The following MYT1 variants were observed in gnomAD, a reference collection of about 807,000 sequenced individuals.
MYT1 encodes the protein myelin transcription factor I.
A neutral mutation model predicts 123.0 loss-of-function variants in MYT1; 23 were observed. That is an observed-to-expected ratio of 0.19 (90% CI 0.13 to 0.26). The LOEUF (loss-of-function observed/expected upper bound fraction) is 0.26, where lower values mean the gene tolerates loss of function less well. MYT1 is among the 10% of genes least tolerant of loss of function. The probability of loss-of-function intolerance (pLI) is 1.00; values close to 1 mark genes in which losing one functional copy is unlikely to be tolerated. For missense variants in MYT1, 1,125 were observed against 1,472.5 expected (o/e 0.76, Z 3.86); for synonymous variants, 518 against 575.3 (o/e 0.90, Z 1.43).
intron 1 of MYT1, among the ~76,000 whole-genome samples, chr20:64,188,622 T>C (rs1360262476): frequency 6.6e-6 from 1 of 152,200 alleles, no homozygotes; most frequent in Non-Finnish European, 1.5e-5. Context: ...TCTTCCAATA[T>C]GCTTTTCCTC....
At chr20:64,239,184 A>G (rs1984639703) in intron 21 of MYT1, among the ~76,000 whole-genome samples, 1 of 152,222 alleles carries the variant, frequency 6.6e-6, no homozygotes, top group Non-Finnish European at 1.5e-5. Flanking sequence ...ATGGTGGGGA[A>G]GTGAGAAGAC....
chr20:64,240,285 T>C, intron 22 of MYT1, 35 bp from the exon 23 acceptor site: 1 of 1,606,286 alleles, frequency 6.2e-7, no homozygotes, highest in Non-Finnish European at 8.5e-7. Flanking sequence ...GCCCACTGCA[T>C]GGACGGAGCT....
In MYT1 at chr20:64,213,245, T is replaced by A. The variant is rs1361301786; in HGVS notation, c.1518-289T>A. 6.6e-6 allele frequency among the ~76,000 whole-genome samples: 1 copy of A among 152,176 alleles called. No homozygotes were observed. The highest frequency in any genetic ancestry group is 1.5e-5 in the Non-Finnish European group (1 of 68,026). The stretch of plus-strand genomic sequence containing the variant: ...CAGAGGAGGCATCTTTGCCCAGAGC[T>A]TTCAAGGCCTTTAGGATATATTTCA... On this transcript the variant is annotated intron_variant, in intron 9 of 22. Coordinates refer to ENST00000328439, the MANE Select transcript of MYT1 (RefSeq NM_004535.3). This position sits in a 1 kb window ranked among gnomAD's most constrained non-coding sequence, Gnocchi z 5.6.
Position 64,223,182 on chromosome 20 carries a change from C to G in MYT1, c.2459+9C>G, listed in dbSNP as rs541358126. On this transcript the variant is annotated intron_variant, in intron 15 of 22. Coordinates refer to ENST00000328439, the MANE Select transcript of MYT1 (RefSeq NM_004535.3). ...TACGCCTCCCACCGCAGGTTTGTCT[C>G]CTGCTCGGGTCCGTCTGGCCTGGGT... 7 of 1,614,214 alleles carry G rather than the reference C, an allele frequency of 4.3e-6. No individual in the cohort carries two copies. In the East Asian group the frequency reaches 1.3e-4, roughly 31 times the overall value.
At position 64,192,639 on chromosome 20, in the gene MYT1, G is replaced by T. The variant is rs1303311753; in HGVS notation, c.-1+2479G>T. Among the ~76,000 whole-genome samples, 1 of 152,230 alleles carries T rather than the reference G, an allele frequency of 6.6e-6. No individual in the cohort carries two copies. Among genetic ancestry groups the T allele is most frequent in the Non-Finnish European group, 1.5e-5 (1 of 68,030 alleles). ...GGGCTGCCAGAAGTCAGGTGGTCGT[G>T]TGTCGGGGTATGCAGGAGCTGATGG... On this transcript the variant is annotated intron_variant, in intron 2 of 22. Coordinates refer to ENST00000328439, the MANE Select transcript of MYT1 (RefSeq NM_004535.3). The surrounding 1 kb of genome is among the most constrained non-coding windows in gnomAD (Gnocchi z 5.3).
intron 13 of MYT1, among the ~76,000 whole-genome samples, chr20:64,221,291 C>T (rs1167025103): frequency 1.3e-5 from 2 of 152,162 alleles, no homozygotes; most frequent in African/African-American, 4.8e-5. Flanking sequence ...ACCCCTGGCC[C>T]CTCCGTGGGA....
chr20:64,165,691 C>G (rs549203786), intron 1 of MYT1, among the ~76,000 whole-genome samples: 1 of 152,164 alleles, frequency 6.6e-6, no homozygotes, highest in East Asian at 1.9e-4. Flanking sequence ...GGAAACCAAA[C>G]ATTTGCGGTG....
chr20:64,183,177 G>A (rs1027796192), intron 1 of MYT1, among the ~76,000 whole-genome samples: 1 of 152,196 alleles, frequency 6.6e-6, no homozygotes. Flanking sequence ...CACTGAACAC[G>A]AAGTTTTTGA....
chr20:64,228,130 C>G (rs913782066), intron 18 of MYT1, 159 bp downstream of exon 18: 51 of 674,342 alleles, frequency 7.6e-5, no homozygotes, highest in Middle Eastern at 5.6e-4. Context: ...TTTATGGAAG[C>G]TCTCATACGC....
chr20:64,176,667 C>G (rs1207307026), intron 1 of MYT1, among the ~76,000 whole-genome samples: 1 of 152,246 alleles, frequency 6.6e-6, no homozygotes, highest in Non-Finnish European at 1.5e-5. Flanking sequence ...TGTGTGTCTG[C>G]GTGGAGCAGT....
chr20:64,172,170 C>T (rs1002616519), intron 1 of MYT1, among the ~76,000 whole-genome samples: 10 of 152,086 alleles, frequency 6.6e-5, no homozygotes, highest in Middle Eastern at 3.2e-3. Flanking sequence ...CCATACACAT[C>T]CCCCCGCCCC....
In MYT1 at chr20:64,215,709, C is replaced by G. The variant is rs961231312; in HGVS notation, c.1632-1358C>G. Among the ~76,000 whole-genome samples the G allele has an allele frequency of 4.0e-5, 6 of 151,770 alleles. 1 individual carries two copies. Among genetic ancestry groups the G allele is most frequent in the Admixed American group, 3.3e-4 (5 of 15,236 alleles). Reference sequence around the variant, plus strand: ...AAGTGATCCTCCCACCTCAGCCTCCCGAGTACCTAGGAATACAGATGTGCC... The same window carrying G: ...AAGTGATCCTCCCACCTCAGCCTCCGGAGTACCTAGGAATACAGATGTGCC... On this transcript the variant is annotated intron_variant, in intron 10 of 22. Transcript: ENST00000328439.
chr20:64,172,386 G>A (rs1984127), intron 1 of MYT1, among the ~76,000 whole-genome samples: 5,439 of 152,334 alleles, frequency 0.036, 196 homozygotes, highest in South Asian at 0.18. Context: ...AGGGCTTTGA[G>A]GCCTGGGGAT....
chr20:64,191,224 G>A lies in MYT1; in HGVS notation c.-1+1064G>A, dbSNP rs1417022990. Among the ~76,000 whole-genome samples the A allele has an allele frequency of 1.3e-5, 2 of 152,200 alleles. No individual in the cohort carries two copies. Among genetic ancestry groups the A allele is most frequent in the Non-Finnish European group, 2.9e-5 (2 of 68,032 alleles). ...ATCTTCCTAAGGGGAGGCAGATGGT[G>A]CAAGCCCTTCTTATACCTTCCCAGG... On this transcript the variant is annotated intron_variant, in intron 2 of 22. Coordinates refer to ENST00000328439, the MANE Select transcript of MYT1 (RefSeq NM_004535.3). The surrounding 1 kb of genome is among the most constrained non-coding windows in gnomAD (Gnocchi z 4.1).
At chr20:64,233,504 T>C (rs2145733705) in intron 19 of MYT1, among the ~76,000 whole-genome samples, 1 of 96,796 alleles carries the variant, frequency 1.0e-5, no homozygotes, top group East Asian at 2.8e-4. Flanking sequence ...CCCTCCCTTT[T>C]CCCTTCCTTC....
intron 1 of MYT1, among the ~76,000 whole-genome samples, chr20:64,182,445 C>T (rs1000031556): frequency 6.6e-6 from 1 of 152,248 alleles, no homozygotes; most frequent in African/African-American, 2.4e-5. Flanking sequence ...CACATCCTGA[C>T]ATAGCACTGG....
Position 64,232,303 on chromosome 20 carries a change from C to G in MYT1, c.2815C>G (p.Leu939Val). 1 of 1,613,060 alleles carries G rather than the reference C, an allele frequency of 6.2e-7. No homozygotes were observed. The highest frequency in any genetic ancestry group is 8.5e-7 in the Non-Finnish European group (1 of 1,180,012). Reference sequence around the variant, plus strand: ...TGGCTCGTCATTCTCCTGGAAGTCCCTGAAGAATGAAGGACCGACCTGCCC... The same window carrying G: ...TGGCTCGTCATTCTCCTGGAAGTCCGTGAAGAATGAAGGACCGACCTGCCC... ...LNGSSFSWKS[L>V]KNEGPTCPTP... Residue 939 changes from leucine to valine, a missense_variant, in exon 19 of 23, where the codon CTG becomes GTG. Coordinates refer to ENST00000328439, the MANE Select transcript of MYT1 (RefSeq NM_004535.3). The surrounding 1 kb of genome is among the most constrained non-coding windows in gnomAD (Gnocchi z 6.9).
chr20:64,240,582 A>C lies in MYT1; in HGVS notation c.*134A>C. 3.1e-6 allele frequency: 4 copies of C among 1,303,730 alleles called. No homozygotes were observed. The highest frequency in any genetic ancestry group is 4.1e-6 in the Non-Finnish European group (4 of 984,416). 80.8% of individuals were successfully genotyped at this position (1,303,730 alleles called of 1,614,324 possible). A position where few individuals can be genotyped will look rare whatever the true frequency, so the allele number is the denominator to read the frequency against. On this transcript the variant is annotated 3_prime_UTR_variant, in exon 23 of 23. Coordinates refer to ENST00000328439, the MANE Select transcript of MYT1 (RefSeq NM_004535.3). ...GTGTGGCCGCGGGCGGGTTTATCCA[A>C]AGGGATGGCTGGAAATTGGCCGCTC... is the stretch of plus-strand genomic sequence containing the variant.
In MYT1 at chr20:64,186,835, G is replaced by A. The variant is rs552329718; in HGVS notation, c.-98-3228G>A. On this transcript the variant is annotated intron_variant, in intron 1 of 22. Transcript: ENST00000328439. This position sits in a 1 kb window ranked among gnomAD's most constrained non-coding sequence, Gnocchi z 4.3. ...CTGTGGCCCCGGCATCCACGTTTCC[G>A]TGGAGAGTTTCCTGTAGCACGTGGC... Among the ~76,000 whole-genome samples, 15 of 149,942 alleles carry A rather than the reference G, an allele frequency of 1.0e-4. No homozygotes were observed. Among genetic ancestry groups the A allele is most frequent in the Non-Finnish European group, 1.3e-4 (9 of 67,618 alleles).
Sources: allele counts gnomAD v4.1 joint callset (sites outside exome capture counted in the v4.1 genomes callset), GRCh38; gene constraint gnomAD v4.1.1; non-coding constraint Gnocchi (gnomAD v3.1); transcripts MANE v1.5; gene names NCBI Gene and HGNC (gene_info 2026-07-23, HGNC 2026-07-21).